Variants in C17orf67 observed in about 807,000 individuals in gnomAD.
The protein encoded by C17orf67 is uncharacterized protein C17orf67.
In C17orf67, 12 loss-of-function variants were observed where a neutral mutation model predicts 11.2. The observed-to-expected ratio is 1.07, with a 90% CI of 0.68 to 1.73. The LOEUF is 1.73. Ranked by LOEUF, C17orf67 falls within the 40% of genes most tolerant of loss-of-function variation. The probability of loss-of-function intolerance (pLI) is 0.00; values close to 1 mark genes in which losing one functional copy is unlikely to be tolerated. For missense variants in C17orf67, 115 were observed against 113.5 expected (o/e 1.01, Z -0.06); for synonymous variants, 59 against 46.9 (o/e 1.26, Z -1.05).
chr17:56,792,574 G>GATTGTGGTGATGGTA (rs1483826698), intron 7 of C17orf67, among the ~76,000 whole-genome samples: 1 of 146,878 alleles, frequency 6.8e-6, no homozygotes, highest in Non-Finnish European at 1.5e-5. Context: ...TGATGATGGT[G>GATTGTGGTGATGGTA]ATTGTGGTGA....
At chr17:56,810,332 C>G (rs1191305957) in intron 6 of C17orf67, among the ~76,000 whole-genome samples, 1 of 143,148 alleles carries the variant, frequency 7.0e-6, no homozygotes, top group African/African-American at 2.6e-5. Flanking sequence ...TTCTCACATT[C>G]GAATACACAC....
intron 4 of C17orf67, among the ~76,000 whole-genome samples, chr17:56,820,900 A>G (rs1905886994): frequency 6.6e-6 from 1 of 151,626 alleles, no homozygotes; most frequent in Admixed American, 6.6e-5. Context: ...TTTAGAGACA[A>G]GAGAACTTCG....
chr17:56,796,852 C>T (rs1024779370), intron 6 of C17orf67, among the ~76,000 whole-genome samples: 2 of 34,020 alleles, frequency 5.9e-5, no homozygotes, highest in South Asian at 1.4e-3. Flanking sequence ...TCCACTCTGA[C>T]AGAGTGACCC....
chr17:56,805,395 C>T (rs997170374), intron 6 of C17orf67, among the ~76,000 whole-genome samples: 7 of 152,098 alleles, frequency 4.6e-5, no homozygotes, highest in African/African-American at 1.4e-4. Flanking sequence ...GTTGCCTATA[C>T]AAAACCCTAC....
intron 6 of C17orf67, among the ~76,000 whole-genome samples, chr17:56,805,354 A>G (rs1905420362): frequency 6.6e-6 from 1 of 152,214 alleles, no homozygotes; most frequent in Admixed American, 6.5e-5. Flanking sequence ...GTTTCTACTC[A>G]TGGATTTCCA....
intron 2 of C17orf67, among the ~76,000 whole-genome samples, chr17:56,829,344 GAAAAGAAAAAAGA>G (rs1906129352): frequency 6.6e-6 from 1 of 152,084 alleles, no homozygotes; most frequent in South Asian, 2.1e-4. Context: ...GTTTAAAGAA[GAAAAGAAAAAAGA>G]AGAGAGATCC....
rs146397034 is a variant in C17orf67, at chr17:56,818,533, A to T, written c.-200-2523T>A. Reference sequence around the variant, plus strand: ...GAACAAGACCCTGTCTCCAAAAAAAAATATTTTTTTAAATTTTGCAACTTT... The same window carrying T: ...GAACAAGACCCTGTCTCCAAAAAAATATATTTTTTTAAATTTTGCAACTTT... On this transcript the variant is annotated intron_variant, in intron 4 of 7. Transcript: ENST00000397861. 1.2e-3 allele frequency among the ~76,000 whole-genome samples: 187 copies of T among 152,294 alleles called. 3 individuals are homozygous for T. The East Asian group carries it at 0.03, about 24-fold the overall frequency.
chr17:56,809,408 G>T (rs1000501656), intron 6 of C17orf67, among the ~76,000 whole-genome samples: 1 of 151,802 alleles, frequency 6.6e-6, no homozygotes, highest in African/African-American at 2.4e-5. Flanking sequence ...ACCCAGGTCC[G>T]CAAGTCAAGG....
intron 1 of C17orf67, 96 bp from the exon 2 acceptor site, chr17:56,833,438 G>T (rs1176747094): frequency 6.6e-6 from 1 of 151,844 alleles, no homozygotes; most frequent in African/African-American, 2.4e-5. Context: ...GGCGGGCGCG[G>T]GCGAGGGGGT....
intron 5 of C17orf67, among the ~76,000 whole-genome samples, 169 bp from the exon 6 acceptor site, chr17:56,815,138 A>G (rs1009865755): frequency 2.6e-5 from 4 of 152,210 alleles, no homozygotes; most frequent in Non-Finnish European, 5.9e-5. Context: ...TCAGGAAGGA[A>G]TTTTGAATTG....
intron 7 of C17orf67, among the ~76,000 whole-genome samples, chr17:56,794,425 G>C (rs1164825881): frequency 6.6e-6 from 1 of 152,092 alleles, no homozygotes; most frequent in Non-Finnish European, 1.5e-5. Context: ...AAGATGATGA[G>C]GACAGACAGG....
At chr17:56,829,563 T>G (rs1906136856) in intron 2 of C17orf67, among the ~76,000 whole-genome samples, 1 of 152,122 alleles carries the variant, frequency 6.6e-6, no homozygotes, top group African/African-American at 2.4e-5. Context: ...CACTCAGGCC[T>G]CCAGAGCTGC....
At chr17:56,795,754 T>C (rs1302292354) in intron 6 of C17orf67, among the ~76,000 whole-genome samples, 2 of 152,214 alleles carry the variant, frequency 1.3e-5, no homozygotes, top group East Asian at 1.9e-4. Flanking sequence ...ACATGCCAAA[T>C]AGCCACTTAC....
Position 56,814,863 on chromosome 17 carries a change from A to C in C17orf67, c.156+6T>G, listed in dbSNP as rs1262677076. 1 of 1,612,826 alleles carries C rather than the reference A, an allele frequency of 6.2e-7. No homozygotes were observed. Among genetic ancestry groups the C allele is most frequent in the Non-Finnish European group, 8.5e-7 (1 of 1,179,044 alleles). Reference sequence around the variant, plus strand: ...TTCTTTAAAACTGCCAGAGCAAAGCACTCACCCGCATTGGCTCATCGGGGA... The same window carrying C: ...TTCTTTAAAACTGCCAGAGCAAAGCCCTCACCCGCATTGGCTCATCGGGGA... On this transcript the variant is annotated splice_donor_region_variant and intron_variant, in intron 6 of 7. Transcript: ENST00000397861.
chr17:56,813,047 A>T (rs1167054003), intron 6 of C17orf67, among the ~76,000 whole-genome samples: 4 of 152,178 alleles, frequency 2.6e-5, no homozygotes, highest in Non-Finnish European at 4.4e-5. Flanking sequence ...CAGGGGGCAG[A>T]TGTGGGAGTC....
At chr17:56,812,398 G>C (rs1281097350) in intron 6 of C17orf67, among the ~76,000 whole-genome samples, 1 of 152,218 alleles carries the variant, frequency 6.6e-6, no homozygotes, top group Non-Finnish European at 1.5e-5. Context: ...TTCAGATATT[G>C]TCAAATGTCC....
chr17:56,797,026 T>C (rs552788229), intron 6 of C17orf67, among the ~76,000 whole-genome samples: 1 of 152,188 alleles, frequency 6.6e-6, no homozygotes, highest in South Asian at 2.1e-4. Context: ...TTGGGTAGGA[T>C]TCCCCTCCTT....
intron 4 of C17orf67, among the ~76,000 whole-genome samples, chr17:56,818,426 A>C (rs1905814468): frequency 6.6e-6 from 1 of 152,196 alleles, no homozygotes; most frequent in African/African-American, 2.4e-5. Context: ...TTGGGATTCC[A>C]AGGTCAGAGG....
At chr17:56,820,747 T>A (rs1410899619) in intron 4 of C17orf67, among the ~76,000 whole-genome samples, 2 of 151,828 alleles carry the variant, frequency 1.3e-5, no homozygotes, top group Non-Finnish European at 2.9e-5. Flanking sequence ...AAACACAACT[T>A]TTTGTTTGGG....
Sources: allele counts gnomAD v4.1 joint callset (sites outside exome capture counted in the v4.1 genomes callset), GRCh38; gene constraint gnomAD v4.1.1; transcripts MANE v1.5; gene names NCBI Gene and HGNC (gene_info 2026-07-23, HGNC 2026-07-21).